The following ATF6 variants were observed in gnomAD, a reference collection of about 807,000 sequenced individuals.
ATF6 encodes the protein activating transcription factor 6.
In ATF6, 53 loss-of-function variants were observed where a neutral mutation model predicts 83.6. That is an observed-to-expected ratio of 0.63 (90% CI 0.51 to 0.80). The LOEUF is 0.80. Ranked by LOEUF, ATF6 falls within the 30% of genes least tolerant of loss-of-function variation. The pLI is 0.00. For synonymous variants in ATF6, 288 were observed against 285.8 expected (o/e 1.01, Z -0.08); for missense variants, 744 against 797.9 (o/e 0.93, Z 0.81).
chr1:161,920,294 CT>C lies in ATF6; in HGVS notation c.1804+7932del, dbSNP rs71798307. Among the ~76,000 whole-genome samples, 11 of 54,838 alleles carry C rather than the reference CT, an allele frequency of 2.0e-4. No homozygotes were observed. In the South Asian group the frequency reaches 3.6e-3, roughly 18 times the overall value. The allele number at this position is 54,838 out of a possible 152,430, so 36.0% of individuals were successfully genotyped here. A position where few individuals can be genotyped will look rare whatever the true frequency, so the allele number is the denominator to read the frequency against. On this transcript the variant is annotated intron_variant, in intron 15 of 15. Coordinates refer to ENST00000367942, the MANE Select transcript of ATF6 (RefSeq NM_007348.4). ...TAGTTCTCTTTCTCTCTCTCTCTCTCTTTTTTTTTTTTTTTTTTGAGACAGA... is the reference window on the plus strand; with the variant it reads ...TAGTTCTCTTTCTCTCTCTCTCTCTCTTTTTTTTTTTTTTTTTGAGACAGA...
chr1:161,793,588 A>G (rs1186637319), intron 6 of ATF6, among the ~76,000 whole-genome samples: 2 of 152,250 alleles, frequency 1.3e-5, no homozygotes, highest in Admixed American at 6.5e-5. Flanking sequence ...CCAAAGGCTA[A>G]GAATTTAAAC....
chr1:161,826,464 A>G (rs983990275), intron 9 of ATF6, among the ~76,000 whole-genome samples: 1 of 152,182 alleles, frequency 6.6e-6, no homozygotes, highest in Non-Finnish European at 1.5e-5. Flanking sequence ...TTCAAAAAGG[A>G]GTTAGTAGAA....
At chr1:161,949,486 A>T (rs1290208887) in intron 15 of ATF6, among the ~76,000 whole-genome samples, 1 of 152,164 alleles carries the variant, frequency 6.6e-6, no homozygotes, top group East Asian at 1.9e-4. Context: ...TATGGTAGTA[A>T]GTCTGTTTTG....
rs1019314812 is a variant in ATF6, at chr1:161,961,668, G to A, written c.*3014G>A. ...TTTTTATTTATTAAATTTTAAACAGGATTGTGCAAGCTTATGAGACAATTA... is the reference window on the plus strand; with the variant it reads ...TTTTTATTTATTAAATTTTAAACAGAATTGTGCAAGCTTATGAGACAATTA... On this transcript the variant is annotated 3_prime_UTR_variant, in exon 16 of 16. Transcript: ENST00000367942. 1.6e-4 allele frequency: 25 copies of A among 151,814 alleles called. No homozygotes were observed. Among genetic ancestry groups the A allele is most frequent in the African/African-American group, 5.8e-4 (24 of 41,276 alleles). The allele number at this position is 151,814 out of a possible 1,614,324, so 9.4% of individuals were successfully genotyped here.
chr1:161,828,557 G>C (rs1685962401), intron 9 of ATF6, among the ~76,000 whole-genome samples: 2 of 152,146 alleles, frequency 1.3e-5, no homozygotes, highest in Admixed American at 1.3e-4. Context: ...AACTTCCAAA[G>C]AATGACACTC....
intron 9 of ATF6, among the ~76,000 whole-genome samples, chr1:161,843,437 A>T (rs558366860): frequency 6.6e-6 from 1 of 152,356 alleles, no homozygotes; most frequent in Admixed American, 6.5e-5. Flanking sequence ...TATTTACTAC[A>T]TGAATAAATT....
chr1:161,865,448 G>A lies in ATF6; in HGVS notation c.1719+2136G>A, dbSNP rs1447086483. On this transcript the variant is annotated intron_variant, in intron 14 of 15. Coordinates refer to ENST00000367942, the MANE Select transcript of ATF6 (RefSeq NM_007348.4). Reference sequence around the variant, plus strand: ...GCTGGAATTACAGGCATGAGCCACCGCGCCCAACCAATCCTAGCTTTAAAC... The same window carrying A: ...GCTGGAATTACAGGCATGAGCCACCACGCCCAACCAATCCTAGCTTTAAAC... Among the ~76,000 whole-genome samples the A allele has an allele frequency of 3.9e-5, 6 of 152,114 alleles. No homozygotes were observed. The East Asian group carries it at 5.8e-4, about 15-fold the overall frequency.
intron 9 of ATF6, among the ~76,000 whole-genome samples, chr1:161,833,089 C>A (rs1268385871): frequency 6.6e-6 from 1 of 152,214 alleles, no homozygotes; most frequent in Non-Finnish European, 1.5e-5. Flanking sequence ...GCAGCATTTG[C>A]AGTTCACCAA....
intron 7 of ATF6, among the ~76,000 whole-genome samples, chr1:161,811,565 AAAAC>A (rs1302314365): frequency 6.6e-6 from 1 of 152,210 alleles, no homozygotes; most frequent in Non-Finnish European, 1.5e-5. Context: ...AAAAAGTACA[AAAAC>A]AAAAAATAGT....
intron 14 of ATF6, among the ~76,000 whole-genome samples, chr1:161,887,548 C>T (rs1687453600): frequency 6.6e-6 from 1 of 152,138 alleles, no homozygotes; most frequent in African/African-American, 2.4e-5. Context: ...GATTTAGTCC[C>T]ACTAATTATA....
chr1:161,802,287 T>G lies in ATF6; in HGVS notation c.909+15T>G. The G allele has an allele frequency of 6.2e-7, 1 of 1,606,392 alleles. No individual in the cohort carries two copies. ...TCGGTTCAGATGTAAGTTTTGAAAC[T>G]TAGTGCTTCTCTTAATGCCTGATTT... On this transcript the variant is annotated intron_variant, in intron 7 of 15. Transcript: ENST00000367942.
At chr1:161,829,469 C>G (rs1685992528) in intron 9 of ATF6, among the ~76,000 whole-genome samples, 1 of 152,062 alleles carries the variant, frequency 6.6e-6, no homozygotes. Context: ...TTCTCAGCAC[C>G]ACATCGCACT....
In ATF6 at chr1:161,958,462, G is replaced by T. The variant is rs375912808; in HGVS notation, c.1821G>T (p.Gly607=). The T allele has an allele frequency of 1.2e-6, 2 of 1,606,908 alleles. No individual in the cohort carries two copies. The highest frequency in any genetic ancestry group is 2.7e-5 in the African/African-American group (2 of 74,814). The change falls in exon 16 of 16, where the codon GGG becomes GGT. Residue 607 remains glycine, a synonymous_variant. Transcript: ENST00000367942. ...AININENVIN[G]QDYEVMMQID... ...TGTCTGCAGAGAATGTGATCAATGG[G>T]CAGGACTACGAAGTGATGATGCAGA...
chr1:161,778,677 G>C (rs1435529164), intron 2 of ATF6, among the ~76,000 whole-genome samples: 1 of 152,084 alleles, frequency 6.6e-6, no homozygotes, highest in Non-Finnish European at 1.5e-5. Flanking sequence ...CAGATTCTTT[G>C]CTTTTAAAAA....
At chr1:161,769,784 T>C (rs1266360809) in intron 1 of ATF6, among the ~76,000 whole-genome samples, 2 of 152,014 alleles carry the variant, frequency 1.3e-5, no homozygotes, top group African/African-American at 4.8e-5. Flanking sequence ...ACATGTGCAG[T>C]TCACAGTAGG....
At chr1:161,941,856 T>C (rs1558034481) in intron 15 of ATF6, among the ~76,000 whole-genome samples, 1 of 152,204 alleles carries the variant, frequency 6.6e-6, no homozygotes, top group Non-Finnish European at 1.5e-5. Flanking sequence ...CCTTTGGAAC[T>C]GTTTCCACTG....
intron 14 of ATF6, among the ~76,000 whole-genome samples, chr1:161,895,737 A>AT (rs1253085315): frequency 5.3e-5 from 8 of 152,140 alleles, no homozygotes; most frequent in Non-Finnish European, 1.0e-4. Context: ...TGATCATTTT[A>AT]TTACTCAGTG....
At chr1:161,885,846 A>G (rs1687407283) in intron 14 of ATF6, among the ~76,000 whole-genome samples, 3 of 152,168 alleles carry the variant, frequency 2.0e-5, no homozygotes, top group African/African-American at 7.2e-5. Flanking sequence ...TAAATCCAAA[A>G]TTTCATACTG....
At chr1:161,827,648 GAAAA>G (rs199515359) in intron 9 of ATF6, among the ~76,000 whole-genome samples, 4 of 140,270 alleles carry the variant, frequency 2.9e-5, no homozygotes, top group African/African-American at 1.0e-4. Flanking sequence ...TGGGCCAAAT[GAAAA>G]AAAAAAAATA....
Sources: allele counts gnomAD v4.1 joint callset (sites outside exome capture counted in the v4.1 genomes callset), GRCh38; gene constraint gnomAD v4.1.1; transcripts MANE v1.5; gene names NCBI Gene and HGNC (gene_info 2026-07-23, HGNC 2026-07-21).